The following AEN variants were observed in gnomAD, a reference collection of about 807,000 sequenced individuals.
AEN encodes the protein apoptosis-enhancing nuclease.
AEN carries 21 observed loss-of-function variants against 17.7 expected under a neutral mutation model. That is an observed-to-expected ratio of 1.19 (90% confidence interval 0.84 to 1.71). AEN has a LOEUF of 1.71. AEN is among the 40% of genes most tolerant of loss of function. AEN has a pLI of 0.00. For missense variants in AEN, 462 were observed against 435.9 expected (o/e 1.06, Z -0.53); for synonymous variants, 190 against 173.0 (o/e 1.10, Z -0.77).
chr15:88,621,023 C>T (rs1406178422), upstream of AEN, among the ~76,000 whole-genome samples: 1 of 152,072 alleles, frequency 6.6e-6, no homozygotes, highest in Admixed American at 6.5e-5. Context: ...TTTGGTGGTA[C>T]CAGGCTTACA....
chr15:88,619,951 C>T (rs1028777494), upstream of AEN, among the ~76,000 whole-genome samples: 1 of 152,190 alleles, frequency 6.6e-6, no homozygotes, highest in Non-Finnish European at 1.5e-5. Context: ...ATCCATTCCT[C>T]TCTATGCTGC....
upstream of AEN, among the ~76,000 whole-genome samples, chr15:88,617,878 G>A (rs2057751352): frequency 6.6e-6 from 1 of 152,074 alleles, no homozygotes; most frequent in African/African-American, 2.4e-5. Flanking sequence ...TTAAGCTTTT[G>A]TCCTTCCCCA....
upstream of AEN, among the ~76,000 whole-genome samples, chr15:88,617,276 C>T (rs2057745984): frequency 6.6e-6 from 1 of 151,844 alleles, no homozygotes; most frequent in African/African-American, 2.4e-5. Context: ...TTTATTGAGA[C>T]AGAGTCTTGC....
At chr15:88,615,266 AGGAAC>A in the AEN span, among the ~76,000 whole-genome samples, 1 of 152,196 alleles carries the variant, frequency 6.6e-6, no homozygotes, top group South Asian at 2.1e-4. Flanking sequence ...GAATGGAGCA[AGGAAC>A]GGCAGAGAAT....
At chr15:88,617,073 CA>C (rs2057744477), upstream of AEN, among the ~76,000 whole-genome samples, 2 of 152,124 alleles carry the variant, frequency 1.3e-5, no homozygotes, top group African/African-American at 4.8e-5. Context: ...TGATTTGATA[CA>C]AATATTATTC....
chr15:88,608,268 G>A, the AEN span: 1 of 427,848 alleles, frequency 2.3e-6, no homozygotes, highest in Non-Finnish European at 5.1e-6. Flanking sequence ...AGAACTCAGA[G>A]TCCTGGACTC....
the AEN span, among the ~76,000 whole-genome samples, chr15:88,611,173 A>C: frequency 6.6e-6 from 1 of 152,164 alleles, no homozygotes; most frequent in Non-Finnish European, 1.5e-5. Context: ...ACCAGTAGAG[A>C]GGGGTCACCA....
chr15:88,629,025 G>A (rs1021195309), intron 2 of AEN: 1 of 593,540 alleles, frequency 1.7e-6, no homozygotes, highest in East Asian at 2.8e-5. Context: ...ACATAGGTAT[G>A]CCCCTGGGTA....
chr15:88,607,125 C>T, the AEN span, among the ~76,000 whole-genome samples: 1 of 152,188 alleles, frequency 6.6e-6, no homozygotes, highest in South Asian at 2.1e-4. Flanking sequence ...GGATTACCCC[C>T]ACTTCTCACC....
chr15:88,625,636 A>G (rs1858628337), intron 1 of AEN, among the ~76,000 whole-genome samples: 1 of 152,206 alleles, frequency 6.6e-6, no homozygotes, highest in Non-Finnish European at 1.5e-5. Flanking sequence ...GTGCCTTCAT[A>G]TTTCAAAAAA....
chr15:88,629,949 A>G (rs2057905055), intron 3 of AEN, 109 bp from the exon 4 acceptor site: 1 of 963,932 alleles, frequency 1.0e-6, no homozygotes, highest in African/African-American at 1.6e-5. Context: ...TTCTGAGCAT[A>G]CGTATTCTTG....
At position 88,626,617 on chromosome 15, in the gene AEN, C is replaced by T; in HGVS notation, c.408C>T (p.Ser136=). ...VSELARCSIV[S]YHGNVLYDKY... ...AGCTGGCCCGCTGTTCCATTGTGAG[C>T]TACCATGGCAATGTCCTCTATGACA... Residue 136 remains serine, a synonymous_variant, in exon 2 of 4, where the codon AGC becomes AGT. Coordinates refer to ENST00000332810, the MANE Select transcript of AEN (RefSeq NM_022767.4). 6.2e-7 allele frequency: 1 copy of T among 1,614,094 alleles called. No homozygotes were observed. The highest frequency in any genetic ancestry group is 8.5e-7 in the Non-Finnish European group (1 of 1,180,022).
At chr15:88,614,839 G>A in the AEN span, among the ~76,000 whole-genome samples, 33 of 152,084 alleles carry the variant, frequency 2.2e-4, no homozygotes, top group Non-Finnish European at 2.8e-4. Context: ...TCTTGGGGTG[G>A]GGTGTGACCC....
intron 1 of AEN, among the ~76,000 whole-genome samples, chr15:88,622,387 C>T (rs1419680142): frequency 6.6e-6 from 1 of 152,182 alleles, no homozygotes; most frequent in Non-Finnish European, 1.5e-5. Context: ...GACGTGTCAG[C>T]ATGTAGCAGG....
rs929366830 is a variant in AEN, at chr15:88,629,108, G to C, written c.541-118G>C. The C allele has an allele frequency of 9.0e-6, 9 of 999,620 alleles. No individual in the cohort carries two copies. In the East Asian group the frequency reaches 2.2e-4, roughly 24 times the overall value. 61.9% of individuals were successfully genotyped at this position (999,620 alleles called of 1,614,324 possible). On this transcript the variant is annotated intron_variant, in intron 2 of 3. Coordinates refer to ENST00000332810, the MANE Select transcript of AEN (RefSeq NM_022767.4). ...TGTGGAGCTCGTGATCTCCCCACTC[G>C]GTGCTGCCTCCCCCCACAGGGATCC...
At chr15:88,606,955 C>A in the AEN span, among the ~76,000 whole-genome samples, 5 of 126,642 alleles carry the variant, frequency 3.9e-5, no homozygotes, top group Admixed American at 3.9e-4. Flanking sequence ...TCTTTTTCCC[C>A]CTTAAAATGA....
upstream of AEN, among the ~76,000 whole-genome samples, chr15:88,616,873 G>A (rs2057742827): frequency 6.6e-6 from 1 of 152,174 alleles, no homozygotes; most frequent in African/African-American, 2.4e-5. Flanking sequence ...AATGTTGTAA[G>A]TACATCTAAG....
the AEN span, among the ~76,000 whole-genome samples, chr15:88,615,010 C>A: frequency 3.3e-5 from 5 of 152,096 alleles, no homozygotes; most frequent in African/African-American, 1.2e-4. Context: ...ACTACAGGCG[C>A]CCGCCACCAC....
rs1411332271 is a variant in AEN, at chr15:88,630,139, C to G, written c.823C>G (p.Gln275Glu). The G allele has an allele frequency of 6.2e-7, 1 of 1,613,724 alleles. No homozygotes were observed. Among genetic ancestry groups the G allele is most frequent in the African/African-American group, 1.3e-5 (1 of 75,018 alleles). The change falls in exon 4 of 4, where the codon CAG (glutamine) becomes GAG (glutamate). Residue 275 changes from glutamine (Q) to glutamate (E), a missense_variant. Transcript: ENST00000332810. This position sits in a 1 kb window ranked among gnomAD's most constrained non-coding sequence, Gnocchi z 5.1. Reference sequence around the variant, plus strand: ...CCGGCTGGTGGAGGTGCAGTGGGAACAGCAGGAGGCCCGCAGCCTCTGGAC... The same window carrying G: ...CCGGCTGGTGGAGGTGCAGTGGGAAGAGCAGGAGGCCCGCAGCCTCTGGAC... ...LYRLVEVQWEQQEARSLWTCP... is the reference protein window; with the variant it reads ...LYRLVEVQWEEQEARSLWTCP...
Sources: gnomAD v4.1 joint callset for allele counts (sites outside exome capture counted in the v4.1 genomes callset) on GRCh38, gnomAD v4.1.1 for gene constraint, Gnocchi (gnomAD v3.1) non-coding constraint, MANE v1.5 for transcripts, NCBI Gene and HGNC (gene_info 2026-07-23, HGNC 2026-07-21) for gene names.